The following SYNJ1 variants were observed in gnomAD, a reference collection of about 807,000 sequenced individuals.
SYNJ1 encodes synaptojanin 1, also known as polyphosphatidylinositol phosphatase SYNJ1.
SYNJ1 carries 78 observed loss-of-function variants against 168.2 expected under a neutral mutation model. The ratio of observed to expected loss-of-function variants is 0.46; its 90% CI spans 0.39 to 0.56. The LOEUF (loss-of-function observed/expected upper bound fraction) is 0.56, where lower values mean the gene tolerates loss of function less well. Among genes scored for constraint, SYNJ1 ranks in the 20% least tolerant of loss-of-function variants. SYNJ1 has a pLI of 0.00. For synonymous variants in SYNJ1, 539 were observed against 548.6 expected (o/e 0.98, Z 0.24); for missense variants, 1,303 against 1,597.6 (o/e 0.82, Z 3.14).
intron 6 of SYNJ1, among the ~76,000 whole-genome samples, chr21:32,691,964 C>T (rs2042041797): frequency 6.6e-6 from 1 of 152,154 alleles, no homozygotes; most frequent in African/African-American, 2.4e-5. Context: ...ATCATAAGGA[C>T]ATAGGTGCCT....
intron 15 of SYNJ1, among the ~76,000 whole-genome samples, chr21:32,669,645 T>A (rs2041103914): frequency 1.3e-5 from 2 of 152,200 alleles, no homozygotes; most frequent in Non-Finnish European, 2.9e-5. Flanking sequence ...GACACTACCA[T>A]TTGGTATAGT....
At chr21:32,665,654 A>G (rs2145920604) in intron 17 of SYNJ1, among the ~76,000 whole-genome samples, 2 of 152,308 alleles carry the variant, frequency 1.3e-5, no homozygotes, top group East Asian at 3.9e-4. Flanking sequence ...AGGTCTCCCT[A>G]AAATGTATAA....
intron 21 of SYNJ1, 91 bp from the exon 22 acceptor site, chr21:32,653,457 C>T: frequency 2.0e-6 from 2 of 998,738 alleles, no homozygotes; most frequent in Non-Finnish European, 3.0e-6. Flanking sequence ...TTAACAAGGG[C>T]CACAAGAGGC....
rs1278138713 is a variant in SYNJ1 at position 32,650,392 on chromosome 21, A to T, written c.2875-46T>A. On this transcript the variant is annotated intron_variant, in intron 22 of 32. Transcript: ENST00000674351. ...TAAAATAAAGATTAACATGAAAGCT[A>T]ACTAATTTGGAATAAAGAGGCTGAC... The T allele has an allele frequency of 2.6e-6, 4 of 1,538,890 alleles. No homozygotes were observed. The East Asian group carries it at 9.1e-5, about 35-fold the overall frequency.
intron 12 of SYNJ1, 52 bp downstream of exon 12, chr21:32,678,593 C>A: frequency 1.3e-6 from 2 of 1,492,574 alleles, no homozygotes. Flanking sequence ...TTACATTTAC[C>A]TCTTGGACCT....
chr21:32,692,274 TG>T (rs556614728), intron 6 of SYNJ1, among the ~76,000 whole-genome samples: 59 of 152,170 alleles, frequency 3.9e-4, no homozygotes, highest in Non-Finnish European at 6.9e-4. Context: ...GTAGAGAACT[TG>T]GTTAAAAATG....
intron 2 of SYNJ1, among the ~76,000 whole-genome samples, chr21:32,719,215 C>T (rs1385712090): frequency 5.3e-5 from 8 of 152,258 alleles, no homozygotes; most frequent in Non-Finnish European, 8.8e-5. Context: ...GAAGGAAACA[C>T]TGAGATTCTC....
chr21:32,706,302 CATTGTTGGGGCA>C (rs1041557937), intron 2 of SYNJ1, among the ~76,000 whole-genome samples: 14 of 152,206 alleles, frequency 9.2e-5, no homozygotes, highest in African/African-American at 3.4e-4. Flanking sequence ...CTATAAAAGA[CATTGTTGGGGCA>C]ATTGGTAAAA....
intron 31 of SYNJ1, among the ~76,000 whole-genome samples, chr21:32,637,406 CTTT>C (rs5843562): frequency 1.7e-4 from 17 of 100,296 alleles, no homozygotes; most frequent in Admixed American, 2.4e-4. Flanking sequence ...TTTCTTTTTT[CTTT>C]TTTTTTTTTT....
At chr21:32,684,447 C>A in intron 9 of SYNJ1, among the ~76,000 whole-genome samples, 1 of 152,224 alleles carries the variant, frequency 6.6e-6, no homozygotes, top group Non-Finnish European at 1.5e-5. Context: ...ATTTATAGAA[C>A]AAAATTTTTT....
intron 26 of SYNJ1, 50 bp from the exon 27 acceptor site, chr21:32,643,507 A>G (rs2039938701): frequency 6.4e-7 from 1 of 1,568,194 alleles, no homozygotes; most frequent in African/African-American, 1.4e-5. Context: ...CCCACAGCAC[A>G]GAATGAAAGG....
At chr21:32,641,186 G>A (rs924007502) in intron 29 of SYNJ1, among the ~76,000 whole-genome samples, 2 of 152,148 alleles carry the variant, frequency 1.3e-5, no homozygotes, top group African/African-American at 2.4e-5. Flanking sequence ...ATAGCTCTCA[G>A]TTTCCTACTC....
chr21:32,631,933 AGTTT>A, intron 32 of SYNJ1, 132 bp from the exon 33 acceptor site: 4 of 779,962 alleles, frequency 5.1e-6, no homozygotes, highest in Non-Finnish European at 7.8e-6. Context: ...AGCTTTGTGT[AGTTT>A]GTTACTCCGG....
intron 2 of SYNJ1, among the ~76,000 whole-genome samples, chr21:32,716,079 C>T (rs2043014031): frequency 6.6e-6 from 1 of 152,166 alleles, no homozygotes; most frequent in African/African-American, 2.4e-5. Flanking sequence ...AGATAAAATA[C>T]AAATTCTTAT....
chr21:32,635,793 T>C (rs972986240), intron 31 of SYNJ1, among the ~76,000 whole-genome samples: 1 of 152,168 alleles, frequency 6.6e-6, no homozygotes, highest in African/African-American at 2.4e-5. Flanking sequence ...CTTCATAATG[T>C]ATTAGTTGGA....
At chr21:32,640,913 A>C (rs2039807120) in intron 29 of SYNJ1, among the ~76,000 whole-genome samples, 1 of 152,210 alleles carries the variant, frequency 6.6e-6, no homozygotes, top group Non-Finnish European at 1.5e-5. Context: ...AAAAATCCTG[A>C]CTTTCTTTTC....
intron 17 of SYNJ1, among the ~76,000 whole-genome samples, chr21:32,665,473 A>G (rs1344598831): frequency 6.6e-6 from 1 of 152,234 alleles, no homozygotes; most frequent in Admixed American, 6.5e-5. Flanking sequence ...GCAAAAATGC[A>G]GATTCACTGA....
chr21:32,653,604 A>C, intron 21 of SYNJ1: 1 of 428,944 alleles, frequency 2.3e-6, no homozygotes, highest in South Asian at 2.6e-5. Context: ...GAGTCTGTGC[A>C]CCTCCATTTG....
chr21:32,656,565 A>G, intron 21 of SYNJ1, 122 bp downstream of exon 21: 1 of 779,650 alleles, frequency 1.3e-6, no homozygotes, highest in Admixed American at 2.9e-5. Flanking sequence ...CTCATATACT[A>G]AACACTAAAT....
Sources: gnomAD v4.1 joint callset for allele counts (sites outside exome capture counted in the v4.1 genomes callset) on GRCh38, gnomAD v4.1.1 for gene constraint, MANE v1.5 for transcripts, NCBI Gene and HGNC (gene_info 2026-07-23, HGNC 2026-07-21) for gene names.